The following GALC variants were observed in gnomAD, a reference collection of about 807,000 sequenced individuals.
GALC encodes galactocerebrosidase.
A neutral mutation model predicts 91.8 loss-of-function variants in GALC; 77 were observed. That is an observed-to-expected ratio of 0.84 (90% CI 0.70 to 1.01). The LOEUF (loss-of-function observed/expected upper bound fraction) is 1.01. Ranked by LOEUF, GALC falls within the 50% of genes least tolerant of loss-of-function variation. The pLI is 0.00. For missense variants in GALC, 882 were observed against 855.9 expected (o/e 1.03, Z -0.38); for synonymous variants, 357 against 306.7 (o/e 1.16, Z -1.71).
upstream of GALC, chr14:87,993,377 A>G: frequency 1.4e-5 from 21 of 1,535,744 alleles, no homozygotes; most frequent in Non-Finnish European, 1.8e-5. Flanking sequence ...TTTCACATGT[A>G]CTTACTGCTG....
At chr14:87,947,611 A>C (rs181344890) in intron 13 of GALC, 117 bp downstream of exon 13, 13 of 931,120 alleles carry the variant, frequency 1.4e-5, no homozygotes, top group Non-Finnish European at 2.3e-5. Context: ...GAGATGTAGG[A>C]GGTAAATGAA....
chr14:87,954,780 A>G lies in GALC; in HGVS notation c.1162-4032T>C, dbSNP rs1293039551. On this transcript the variant is annotated intron_variant, in intron 10 of 16. Coordinates refer to ENST00000261304, the MANE Select transcript of GALC (RefSeq NM_000153.4). ...TCTTTTCTTCTCTTCCCAACATCAT[A>G]TATACTGGCTGCGCAAAATATGGAT... The G allele has an allele frequency of 6.9e-6, 11 of 1,590,902 alleles. No individual in the cohort carries two copies. In the Admixed American group the frequency reaches 1.5e-4, roughly 22 times the overall value.
intron 10 of GALC, chr14:87,954,419 G>T: frequency 6.3e-7 from 1 of 1,595,486 alleles, no homozygotes; most frequent in Non-Finnish European, 8.6e-7. Flanking sequence ...TCCTGGAGCA[G>T]CCTGGTACCC....
intron 8 of GALC, among the ~76,000 whole-genome samples, chr14:87,967,752 C>A (rs1056482310): frequency 3.3e-5 from 5 of 152,126 alleles, no homozygotes; most frequent in Admixed American, 2.0e-4. Flanking sequence ...GTCTTTTCAA[C>A]AGATCACTGT....
intron 5 of GALC, among the ~76,000 whole-genome samples, chr14:87,983,208 C>T (rs1217169201): frequency 2.0e-5 from 3 of 151,844 alleles, no homozygotes; most frequent in East Asian, 1.9e-4. Context: ...GGTGTGGTGG[C>T]GGGTGCCTGT....
Position 87,947,768 on chromosome 14 carries a change from G to A in GALC, c.1449C>T (p.Ser483=). ...CCTTATAGGTACTTGGGAAGGGCTG[G>A]GATTTTGGAGGAAGCGGGTAGCTGC... ...RKGSYPLPPK[S]QPFPSTYKDD... Residue 483 remains serine, a synonymous_variant, in exon 13 of 17, where the codon TCC becomes TCT. Coordinates refer to ENST00000261304, the MANE Select transcript of GALC (RefSeq NM_000153.4). 6.2e-7 allele frequency: 1 copy of A among 1,612,922 alleles called. No individual in the cohort carries two copies. The highest frequency in any genetic ancestry group is 8.5e-7 in the Non-Finnish European group (1 of 1,179,274).
chr14:87,960,491 T>C (rs746016983), intron 10 of GALC, among the ~76,000 whole-genome samples: 5 of 152,186 alleles, frequency 3.3e-5, no homozygotes, highest in African/African-American at 7.2e-5. Flanking sequence ...CACATGTATG[T>C]ATCAAAACAT....
chr14:87,960,326 A>T (rs1430996563), intron 10 of GALC, among the ~76,000 whole-genome samples: 1 of 152,166 alleles, frequency 6.6e-6, no homozygotes, highest in African/African-American at 2.4e-5. Context: ...AGGAGGTGTA[A>T]GTTCTGGTGT....
At chr14:87,986,833 C>A (rs1212004098) in intron 3 of GALC, 7 of 553,282 alleles carry the variant, frequency 1.3e-5, no homozygotes, top group Non-Finnish European at 2.3e-5. Context: ...AATAAAACCA[C>A]AACCTTCTAT....
intron 14 of GALC, among the ~76,000 whole-genome samples, chr14:87,944,493 G>A (rs1403423422): frequency 2.0e-5 from 3 of 151,782 alleles, no homozygotes; most frequent in East Asian, 1.9e-4. Context: ...TACCATAACT[G>A]GAAAATCTAG....
chr14:87,952,931 T>C (rs1885372369), intron 10 of GALC: 1 of 894,036 alleles, frequency 1.1e-6, no homozygotes, highest in South Asian at 1.3e-5. Context: ...AAATTATAGA[T>C]GAACAGCCTA....
rs28368943 is a variant in GALC, at chr14:87,989,201, C to A, written c.196-678G>T. Among the ~76,000 whole-genome samples the A allele has an allele frequency of 4.0e-3, 614 of 152,234 alleles. 6 individuals carry two copies. Among genetic ancestry groups the A allele is most frequent in the African/African-American group, 0.014 (581 of 41,548 alleles). Reference sequence around the variant, plus strand: ...TAAGCAAAAAATAAATAAAAAGAGGCCGGTTTTTGGCATGAAACAGTAGCC... The same window carrying A: ...TAAGCAAAAAATAAATAAAAAGAGGACGGTTTTTGGCATGAAACAGTAGCC... On this transcript the variant is annotated intron_variant, in intron 1 of 16. Transcript: ENST00000261304.
intron 7 of GALC, among the ~76,000 whole-genome samples, chr14:87,968,833 C>T (rs542975670): frequency 4.2e-4 from 64 of 152,266 alleles, no homozygotes; most frequent in Non-Finnish European, 6.6e-4. Context: ...GAGAGGGCCA[C>T]AGCCTAGAAC....
chr14:87,950,035 T>C (rs1595198390), intron 11 of GALC, 104 bp from the exon 12 acceptor site: 1 of 673,006 alleles, frequency 1.5e-6, no homozygotes, highest in East Asian at 2.6e-5. Context: ...CAATATTATC[T>C]CTATTTATCA....
At chr14:87,988,613 C>T in intron 1 of GALC, 90 bp from the exon 2 acceptor site, 1 of 938,198 alleles carries the variant, frequency 1.1e-6, no homozygotes, top group South Asian at 1.3e-5. Flanking sequence ...CTGGTATACA[C>T]ATATTTAGCC....
chr14:87,983,471 G>A (rs1394506315), intron 5 of GALC, among the ~76,000 whole-genome samples: 1 of 152,088 alleles, frequency 6.6e-6, no homozygotes, highest in East Asian at 1.9e-4. Flanking sequence ...CAGTTTATAT[G>A]TTCCAGCATC....
chr14:87,947,967 A>C, intron 12 of GALC, 89 bp from the exon 13 acceptor site: 1 of 1,172,022 alleles, frequency 8.5e-7, no homozygotes, highest in South Asian at 1.3e-5. Context: ...TAGCTTAAAG[A>C]AAAGTCCAAA....
chr14:87,957,336 T>C (rs997893542), intron 10 of GALC, among the ~76,000 whole-genome samples: 2 of 152,150 alleles, frequency 1.3e-5, no homozygotes, highest in Non-Finnish European at 2.9e-5. Flanking sequence ...CCTAGGCCAA[T>C]GTACAGAAGA....
chr14:87,986,601 G>A lies in GALC; in HGVS notation c.330C>T (p.Asp110=), dbSNP rs11552556. ...AATGCATGTGGGAGGGCTCAGTGCC[G>A]TCTGAATAGAGGAGAGCAAAAACGG... The part of the protein sequence containing the change: ...VEIGGDGQTT[D]GTEPSHMHYA... The change falls in exon 4 of 17, where the codon GAC becomes GAT. Residue 110 remains aspartate (D), a splice_region_variant and synonymous_variant. Coordinates refer to ENST00000261304, the MANE Select transcript of GALC (RefSeq NM_000153.4). The A allele has an allele frequency of 0.04, 64,127 of 1,602,176 alleles. 1,549 individuals carry two copies. Among genetic ancestry groups the A allele is most frequent in the Non-Finnish European group, 0.046 (53,592 of 1,169,460 alleles).
Sources: gnomAD v4.1 joint callset for allele counts (sites outside exome capture counted in the v4.1 genomes callset) on GRCh38, gnomAD v4.1.1 for gene constraint, MANE v1.5 for transcripts, NCBI Gene and HGNC (gene_info 2026-07-23, HGNC 2026-07-21) for gene names.